Variants in CHRNA6 observed in about 807,000 individuals in gnomAD.
The protein encoded by CHRNA6 is neuronal acetylcholine receptor subunit alpha-6.
A neutral mutation model predicts 40.9 loss-of-function variants in CHRNA6; 31 were observed. The observed-to-expected ratio is 0.76, with a 90% CI of 0.57 to 1.02. The LOEUF is 1.02. CHRNA6 is among the 50% of genes least tolerant of loss of function. The pLI is 0.00. For missense variants in CHRNA6, 546 were observed against 596.6 expected, an observed-to-expected ratio of 0.92 and a Z score of 0.88; for synonymous variants, 222 against 221.3, an observed-to-expected ratio of 1.00 and a Z score of -0.03.
chr8:42,758,360 TTTG>T (rs1289293291), intron 3 of CHRNA6, among the ~76,000 whole-genome samples: 2 of 150,726 alleles, frequency 1.3e-5, no homozygotes, highest in African/African-American at 5.0e-5. Context: ...CTGTTTTTTT[TTTG>T]TTTTGTTTTG....
At position 42,755,922 on chromosome 8, in the gene CHRNA6, G is replaced by A. The variant is rs144573255; in HGVS notation, c.1277C>T (p.Ser426Leu). The A allele has an allele frequency of 6.8e-6, 11 of 1,614,210 alleles. No individual in the cohort carries two copies. The highest frequency in any genetic ancestry group is 6.7e-5 in the East Asian group (3 of 44,890). ...LQWVVENSEH[S>L]PEVEDVINSV... Reference sequence around the variant, plus strand: ...GTTAATCACATCTTCAACTTCAGGCGAGTGCTCCGAATTTTCCACCACCCA... The same window carrying A: ...GTTAATCACATCTTCAACTTCAGGCAAGTGCTCCGAATTTTCCACCACCCA... Residue 426 changes from serine (S) to leucine (L), a missense_variant, in exon 5 of 6, where the codon TCG becomes TTG. Coordinates refer to ENST00000276410, the MANE Select transcript of CHRNA6 (RefSeq NM_004198.3).
rs200592176 is a variant in CHRNA6 at position 42,756,932 on chromosome 8, T to C, written c.370A>G (p.Asn124Asp). 7 of 1,613,266 alleles carry C rather than the reference T, an allele frequency of 4.3e-6. No individual in the cohort carries two copies. The highest frequency in any genetic ancestry group is 5.9e-6 in the Non-Finnish European group (7 of 1,179,222). ...KIWKPDIVLY[N>D]NAVGDFQVEG... is the part of the protein sequence containing the mutation. ...ACGGTGGTCAGAGACCCATACTTGT[T>C]ATAGAGAACAATGTCGGGCTTCCAA... The change falls in exon 4 of 6, where the codon AAC becomes GAC. Residue 124 changes from asparagine to aspartate, a missense_variant. By Grantham distance (23) the Asn-to-Asp change is conservative. This residue lies in a region of CHRNA6 where 476 missense variants were observed against 494.5 expected (regional missense o/e 0.96). Coordinates refer to ENST00000276410, the MANE Select transcript of CHRNA6 (RefSeq NM_004198.3).
intron 5 of CHRNA6, among the ~76,000 whole-genome samples, chr8:42,754,426 G>C (rs1450990234): frequency 6.6e-6 from 1 of 152,052 alleles, no homozygotes; most frequent in East Asian, 1.9e-4. Context: ...CTCCCGTCTT[G>C]GCCTCCGAAA....
Position 42,755,716 on chromosome 8 carries a change from C to G in CHRNA6, c.1353+130G>C, listed in dbSNP as rs1586423695. The stretch of plus-strand genomic sequence containing the variant: ...CACCCATAACCACATAATAACAGAG[C>G]CAGGTCTCAGAGCAAGGCCGCCTGA... On this transcript the variant is annotated intron_variant, in intron 5 of 5. Transcript: ENST00000276410. 1.8e-5 allele frequency: 19 copies of G among 1,042,702 alleles called. No individual in the cohort carries two copies. In the South Asian group the frequency reaches 2.6e-4, roughly 14 times the overall value. The allele number at this position is 1,042,702 out of a possible 1,614,324, so 64.6% of individuals were successfully genotyped here.
In CHRNA6 at chr8:42,753,266, T is replaced by C. The variant is rs1279483007; in HGVS notation, c.1398A>G (p.Val466=). The C allele has an allele frequency of 6.2e-7, 1 of 1,612,344 alleles. No individual in the cohort carries two copies. The highest frequency in any genetic ancestry group is 8.5e-7 in the Non-Finnish European group (1 of 1,179,206). ...WKYVAMVVDR[V]FLWVFIIVCV... is the part of the protein sequence containing the mutation. ...AGACAATTATAAATACCCAAAGAAA[T>C]ACTCTGTCCACCACCATGGCCACGT... The change falls in exon 6 of 6, where the codon GTA becomes GTG. Residue 466 remains valine (V), a synonymous_variant. Coordinates refer to ENST00000276410, the MANE Select transcript of CHRNA6 (RefSeq NM_004198.3).
chr8:42,764,787 C>T (rs546533853), intron 2 of CHRNA6, among the ~76,000 whole-genome samples: 43 of 152,246 alleles, frequency 2.8e-4, no homozygotes, highest in South Asian at 6.2e-4. Context: ...TGTAAACAGG[C>T]GTCTGGTGCA....
At chr8:42,762,686 C>T (rs2128912280) in intron 2 of CHRNA6, among the ~76,000 whole-genome samples, 1 of 152,080 alleles carries the variant, frequency 6.6e-6, no homozygotes, top group East Asian at 1.9e-4. Context: ...AAACAAAGCA[C>T]CCTGGAGTAC....
chr8:42,754,291 C>T (rs547675258), intron 5 of CHRNA6, among the ~76,000 whole-genome samples: 68 of 152,258 alleles, frequency 4.5e-4, no homozygotes, highest in African/African-American at 1.2e-3. Flanking sequence ...GCAATCCTCC[C>T]GCCTTAGCCT....
chr8:42,762,101 G>A (rs935087291), intron 2 of CHRNA6, among the ~76,000 whole-genome samples: 1 of 152,170 alleles, frequency 6.6e-6, no homozygotes, highest in Non-Finnish European at 1.5e-5. Context: ...GAGCCAAGCT[G>A]GGGATCAGAC....
chr8:42,758,993 G>T, intron 3 of CHRNA6, 76 bp downstream of exon 3: 1 of 1,089,878 alleles, frequency 9.2e-7, no homozygotes, highest in Non-Finnish European at 1.4e-6. Context: ...ATAACCAGTT[G>T]GAGATGGAAC....
chr8:42,767,473 T>C (rs909363065), intron 1 of CHRNA6, among the ~76,000 whole-genome samples: 3 of 151,996 alleles, frequency 2.0e-5, no homozygotes, highest in Non-Finnish European at 2.9e-5. Context: ...ATATCTAACA[T>C]AGGACTCCAC....
At chr8:42,766,521 A>AGAAAGAAAGAAAGAGAGAGAGAGAGAG (rs1563627476) in intron 1 of CHRNA6, among the ~76,000 whole-genome samples, 1 of 151,832 alleles carries the variant, frequency 6.6e-6, no homozygotes, top group African/African-American at 2.4e-5. Context: ...AAAGAAAGAA[A>AGAAAGAAAGAAAGAGAGAGAGAGAGAG]ATGTGGTATA....
chr8:42,759,618 C>G lies in CHRNA6; in HGVS notation c.220-505G>C, dbSNP rs1311509320. Among the ~76,000 whole-genome samples, 3 of 152,076 alleles carry G rather than the reference C, an allele frequency of 2.0e-5. No homozygotes were observed. The East Asian group carries it at 5.8e-4, about 29-fold the overall frequency. Reference sequence around the variant, plus strand: ...ATCTTGAAATGCCAGCCTCAGCCAGCTGGGCGCGGTGGCTCACACCTGTAA... The same window carrying G: ...ATCTTGAAATGCCAGCCTCAGCCAGGTGGGCGCGGTGGCTCACACCTGTAA... On this transcript the variant is annotated intron_variant, in intron 2 of 5. Transcript: ENST00000276410.
chr8:42,764,321 C>T (rs763401952), intron 2 of CHRNA6, among the ~76,000 whole-genome samples: 1 of 152,036 alleles, frequency 6.6e-6, no homozygotes, highest in Non-Finnish European at 1.5e-5. Flanking sequence ...TTCATTCTCA[C>T]ATAACATAGA....
chr8:42,764,293 G>A (rs561658288), intron 2 of CHRNA6, among the ~76,000 whole-genome samples: 1 of 152,062 alleles, frequency 6.6e-6, no homozygotes, highest in Non-Finnish European at 1.5e-5. Context: ...TCCCAAGGCT[G>A]AATGGAATTG....
intron 2 of CHRNA6, among the ~76,000 whole-genome samples, chr8:42,760,809 T>C (rs1159493876): frequency 6.6e-6 from 1 of 152,094 alleles, no homozygotes; most frequent in Non-Finnish European, 1.5e-5. Context: ...CCAGGTGACA[T>C]CCCAAATGTA....
rs199652759 is a variant in CHRNA6 at position 42,759,049 on chromosome 8, C to G, written c.264+20G>C. The G allele has an allele frequency of 1.0e-5, 16 of 1,597,294 alleles. No homozygotes were observed. Among genetic ancestry groups the G allele is most frequent in the Non-Finnish European group, 7.7e-6 (9 of 1,164,760 alleles). ...TATCCATTCAACATCATTAAGCCAA[C>G]ACATGATATAGGCACATACGTGACG... On this transcript the variant is annotated intron_variant, in intron 3 of 5. Coordinates refer to ENST00000276410, the MANE Select transcript of CHRNA6 (RefSeq NM_004198.3).
At chr8:42,764,088 G>A (rs1816939691) in intron 2 of CHRNA6, among the ~76,000 whole-genome samples, 1 of 152,084 alleles carries the variant, frequency 6.6e-6, no homozygotes, top group African/African-American at 2.4e-5. Context: ...TCCTAAGCCT[G>A]CATCTTCCTA....
intron 1 of CHRNA6, among the ~76,000 whole-genome samples, chr8:42,767,426 T>C (rs965036973): frequency 6.6e-6 from 1 of 152,218 alleles, no homozygotes; most frequent in South Asian, 2.1e-4. Context: ...ATTTCATTAC[T>C]ACCTCCTCTA....
Sources: gnomAD v4.1 joint callset for allele counts (sites outside exome capture counted in the v4.1 genomes callset) on GRCh38, gnomAD v4.1.1 for gene constraint, gnomAD v4.1.1 regional missense constraint, MANE v1.5 for transcripts, NCBI Gene and HGNC (gene_info 2026-07-23, HGNC 2026-07-21) for gene names.